HYDIN: variants seen among roughly 807,000 people sequenced by gnomAD.
The protein encoded by HYDIN is HYDIN axonemal central pair apparatus protein, also known as axonemal central pair apparatus protein HYDIN.
Under a neutral mutation model 403.9 loss-of-function variants are expected in HYDIN, and 132 were observed. That is an observed-to-expected ratio of 0.33 (90% CI 0.28 to 0.38). The LOEUF is 0.38. Ranked by LOEUF, HYDIN falls within the 10% of genes least tolerant of loss-of-function variation. The probability of loss-of-function intolerance (pLI) is 1.00; values close to 1 mark genes in which losing one functional copy is unlikely to be tolerated. For missense variants in HYDIN, 2,827 were observed against 5,009.5 expected, an observed-to-expected ratio of 0.56 and a Z score of 13.15; for synonymous variants, 1,202 against 1,891.7, an observed-to-expected ratio of 0.64 and a Z score of 9.46.
At chr16:70,957,420 G>A (rs1232856727) in intron 39 of HYDIN, among the ~76,000 whole-genome samples, 1 of 149,944 alleles carries the variant, frequency 6.7e-6, no homozygotes, top group Non-Finnish European at 1.5e-5. Flanking sequence ...TCTGCCTCCC[G>A]GGTTCAAATG....
rs1056724355 is a variant in HYDIN at position 70,824,122 on chromosome 16, G to C, written c.14427+3139C>G. On this transcript the variant is annotated intron_variant, in intron 83 of 85. Coordinates refer to ENST00000393567, the MANE Select transcript of HYDIN (RefSeq NM_001270974.2). Reference sequence around the variant, plus strand: ...ATTATAATCATTATAACCAGAAGCAGAAATGCTTTTTATTCTTTGAAAAAT... The same window carrying C: ...ATTATAATCATTATAACCAGAAGCACAAATGCTTTTTATTCTTTGAAAAAT... Among the ~76,000 whole-genome samples the C allele has an allele frequency of 1.6e-4, 24 of 151,282 alleles. 1 individual carries two copies. Among genetic ancestry groups the C allele is most frequent in the Non-Finnish European group, 3.2e-4 (22 of 67,890 alleles).
chr16:71,215,419 T>C (rs1359447815), intron 1 of HYDIN, among the ~76,000 whole-genome samples: 1 of 152,204 alleles, frequency 6.6e-6, no homozygotes, highest in African/African-American at 2.4e-5. Context: ...AGAAATATGA[T>C]AGCACTATTT....
intron 43 of HYDIN, 104 bp from the exon 44 acceptor site, chr16:70,938,859 C>T (rs1289331151): frequency 6.5e-6 from 7 of 1,084,468 alleles, no homozygotes; most frequent in South Asian, 6.0e-5. Flanking sequence ...GCTGGTACGG[C>T]GCCTGGTCTG....
rs1231745835 is a variant in HYDIN at position 71,027,244 on chromosome 16, AT to A, written c.3042+357del. The A allele has an allele frequency of 2.6e-6, 3 of 1,137,112 alleles. No homozygotes were observed. In the African/African-American group the frequency reaches 5.0e-5, roughly 19 times the overall value. 70.4% of individuals were successfully genotyped at this position (1,137,112 alleles called of 1,614,324 possible). On this transcript the variant is annotated intron_variant, in intron 20 of 85. Coordinates refer to ENST00000393567, the MANE Select transcript of HYDIN (RefSeq NM_001270974.2). ...AGGAGAGGCAGCCCAGAGTGTCGAT[AT>A]AAACACCCTTTTTGAATGAATATTA...
intron 77 of HYDIN, among the ~76,000 whole-genome samples, chr16:70,836,057 G>A (rs2037402468): frequency 6.6e-6 from 1 of 151,962 alleles, no homozygotes; most frequent in South Asian, 2.1e-4. Flanking sequence ...CAAAATATAT[G>A]TAGGAAAATC....
chr16:71,134,373 G>A (rs1422092469), intron 8 of HYDIN, among the ~76,000 whole-genome samples: 1 of 152,208 alleles, frequency 6.6e-6, no homozygotes, highest in Non-Finnish European at 1.5e-5. Context: ...AGAGGTTGCT[G>A]AAGGAGGGGG....
chr16:70,854,206 A>G (rs1048401755), intron 73 of HYDIN, among the ~76,000 whole-genome samples: 12 of 151,970 alleles, frequency 7.9e-5, no homozygotes, highest in African/African-American at 2.7e-4. Flanking sequence ...TTACAACTAC[A>G]TGTGAATTTA....
intron 65 of HYDIN, among the ~76,000 whole-genome samples, chr16:70,871,111 T>C (rs904597229): frequency 1.3e-5 from 2 of 151,982 alleles, no homozygotes; most frequent in African/African-American, 2.4e-5. Flanking sequence ...GAACTATTTT[T>C]GGCATATAGT....
At chr16:70,931,205 CTTCTGTT>C (rs1486009294) in intron 45 of HYDIN, among the ~76,000 whole-genome samples, 16 of 99,472 alleles carry the variant, frequency 1.6e-4, no homozygotes, top group African/African-American at 5.6e-4. Context: ...GTCTCTCTTT[CTTCTGTT>C]TTTTTTTTTT....
At chr16:71,163,058 C>T (rs1567393985) in intron 5 of HYDIN, among the ~76,000 whole-genome samples, 1 of 151,900 alleles carries the variant, frequency 6.6e-6, no homozygotes, top group African/African-American at 2.4e-5. Flanking sequence ...CACAACAGTT[C>T]CCTCAGGTCC....
intron 6 of HYDIN, among the ~76,000 whole-genome samples, chr16:71,158,220 G>C (rs900036771): frequency 3.9e-5 from 6 of 152,146 alleles, no homozygotes; most frequent in Admixed American, 3.9e-4. Context: ...TAACTTACTG[G>C]GGGAGTTTGG....
At chr16:71,148,246 T>TA (rs1446266674) in intron 7 of HYDIN, among the ~76,000 whole-genome samples, 2 of 151,892 alleles carry the variant, frequency 1.3e-5, no homozygotes, top group African/African-American at 2.4e-5. Context: ...TTTAACCTGA[T>TA]AGAGTCTCCA....
chr16:71,080,001 C>CA (rs2082735543), intron 12 of HYDIN, 49 bp from the exon 13 acceptor site: 1 of 677,780 alleles, frequency 1.5e-6, no homozygotes, highest in African/African-American at 1.8e-5. Context: ...TCCAGTGAAT[C>CA]AGAGTCACAA....
At chr16:71,133,271 T>C (rs1366420940) in intron 8 of HYDIN, 2 of 456,358 alleles carry the variant, frequency 4.4e-6, no homozygotes, top group African/African-American at 2.0e-5. Context: ...CTGGAACAAA[T>C]GGAGCCATCC....
At chr16:70,978,599 T>C (rs1567940295) in intron 30 of HYDIN, among the ~76,000 whole-genome samples, 1 of 152,242 alleles carries the variant, frequency 6.6e-6, no homozygotes, top group Non-Finnish European at 1.5e-5. Flanking sequence ...CTCTTAAAGA[T>C]GCAAAGTCGA....
intron 1 of HYDIN, among the ~76,000 whole-genome samples, chr16:71,191,289 T>C (rs1347402032): frequency 6.6e-6 from 1 of 152,206 alleles, no homozygotes; most frequent in Non-Finnish European, 1.5e-5. Context: ...TTGAGAAGGA[T>C]AACAGCATTA....
chr16:70,840,665 G>A (rs953213577), intron 75 of HYDIN, among the ~76,000 whole-genome samples: 5 of 152,236 alleles, frequency 3.3e-5, no homozygotes, highest in African/African-American at 1.2e-4. Flanking sequence ...ACAAGAGGGT[G>A]TTCTATCTTG....
chr16:70,882,577 G>C, intron 60 of HYDIN, 83 bp downstream of exon 60: 2 of 695,690 alleles, frequency 2.9e-6, no homozygotes, highest in Non-Finnish European at 5.1e-6. Flanking sequence ...ACGCATACAG[G>C]CTCCAGAGCA....
intron 75 of HYDIN, 132 bp downstream of exon 75, chr16:70,849,594 T>C (rs2038478572): frequency 1.7e-6 from 1 of 605,316 alleles, no homozygotes; most frequent in Admixed American, 2.9e-5. Context: ...ATTGTGAGGC[T>C]GTGTCCAACA....
Sources: gnomAD v4.1 joint callset for allele counts (sites outside exome capture counted in the v4.1 genomes callset) on GRCh38, gnomAD v4.1.1 for gene constraint, MANE v1.5 for transcripts, NCBI Gene and HGNC (gene_info 2026-07-23, HGNC 2026-07-21) for gene names.